THSD4: variants seen among roughly 807,000 people sequenced by gnomAD.
THSD4 encodes thrombospondin type 1 domain containing 4, also known as thrombospondin type-1 domain-containing protein 4.
In THSD4, 69 loss-of-function variants were observed where a neutral mutation model predicts 119.0. That is an observed-to-expected ratio of 0.58 (90% CI 0.48 to 0.71). THSD4 has a LOEUF of 0.71. THSD4 is among the 30% of genes least tolerant of loss of function. THSD4 has a pLI of 0.00. For missense variants in THSD4, 1,393 were observed against 1,391.1 expected (o/e 1.00, Z -0.02); for synonymous variants, 524 against 540.4 (o/e 0.97, Z 0.42).
intron 6 of THSD4, among the ~76,000 whole-genome samples, chr15:71,380,573 C>G (rs769607117): frequency 2.6e-5 from 4 of 152,100 alleles, no homozygotes; most frequent in African/African-American, 4.8e-5. Context: ...AGAGCCCATA[C>G]AGACCAATCT....
chr15:71,385,354 G>T (rs1269988649), intron 6 of THSD4, among the ~76,000 whole-genome samples: 2 of 152,154 alleles, frequency 1.3e-5, no homozygotes, highest in Non-Finnish European at 2.9e-5. Context: ...GTCTGACTTT[G>T]AGTCCCACTT....
At chr15:71,671,238 T>A (rs1052222364) in intron 8 of THSD4, among the ~76,000 whole-genome samples, 3 of 152,232 alleles carry the variant, frequency 2.0e-5, no homozygotes, top group African/African-American at 7.2e-5. Context: ...TGGCCAGTGA[T>A]GGTGAGCATT....
At chr15:71,238,789 A>G (rs2044127606) in intron 4 of THSD4, among the ~76,000 whole-genome samples, 1 of 152,084 alleles carries the variant, frequency 6.6e-6, no homozygotes, top group Non-Finnish European at 1.5e-5. Flanking sequence ...GTATGTTTTC[A>G]TTTCTCTTGG....
intron 1 of THSD4, among the ~76,000 whole-genome samples, chr15:71,128,872 T>C (rs2040478048): frequency 1.3e-5 from 2 of 152,204 alleles, no homozygotes; most frequent in African/African-American, 4.8e-5. Context: ...TGGAATACTA[T>C]AGACAACCTG....
intron 6 of THSD4, among the ~76,000 whole-genome samples, chr15:71,349,068 T>G (rs1012912881): frequency 4.0e-5 from 6 of 148,646 alleles, no homozygotes; most frequent in Non-Finnish European, 7.5e-5. Context: ...TCTGCCAACA[T>G]TTTGCCACGT....
At chr15:71,445,550 TCA>T (rs1189358177) in intron 7 of THSD4, among the ~76,000 whole-genome samples, 4 of 152,184 alleles carry the variant, frequency 2.6e-5, no homozygotes, top group African/African-American at 9.7e-5. Flanking sequence ...TCTCACAACC[TCA>T]GAGTGCAGAT....
chr15:71,317,654 T>G (rs959257946), intron 6 of THSD4, among the ~76,000 whole-genome samples: 1 of 152,102 alleles, frequency 6.6e-6, no homozygotes, highest in African/African-American at 2.4e-5. Context: ...GATGGCAAAA[T>G]GTACCCTTTG....
chr15:71,314,877 T>G (rs1400667328), intron 6 of THSD4, among the ~76,000 whole-genome samples: 1 of 152,246 alleles, frequency 6.6e-6, no homozygotes, highest in Non-Finnish European at 1.5e-5. Context: ...TGTCTTATTT[T>G]CAAAGACAGT....
chr15:71,132,533 T>C (rs1025518376), intron 1 of THSD4, among the ~76,000 whole-genome samples: 1 of 152,206 alleles, frequency 6.6e-6, no homozygotes, highest in Non-Finnish European at 1.5e-5. Context: ...GGTTTAATGG[T>C]GTTGGGTTAT....
At chr15:71,458,243 A>G (rs1265674889) in intron 7 of THSD4, among the ~76,000 whole-genome samples, 1 of 152,230 alleles carries the variant, frequency 6.6e-6, no homozygotes, top group Non-Finnish European at 1.5e-5. Flanking sequence ...AATCAGATGA[A>G]CTTAGAACAA....
intron 10 of THSD4, chr15:71,732,612 T>C (rs1253857153): frequency 6.6e-6 from 1 of 152,202 alleles, no homozygotes; most frequent in Non-Finnish European, 1.5e-5. Flanking sequence ...CGTAGATTAG[T>C]TCTTTGAATT....
chr15:71,726,537 T>A (rs536569080), intron 8 of THSD4, among the ~76,000 whole-genome samples: 4 of 152,228 alleles, frequency 2.6e-5, no homozygotes, highest in Non-Finnish European at 5.9e-5. Context: ...TGCATATGTA[T>A]ACATTTTTCC....
chr15:71,243,039 A>G lies in THSD4; in HGVS notation c.855A>G (p.Arg285=). The change falls in exon 5 of 18, where the codon CGA becomes CGG. Residue 285 remains arginine (R), a synonymous_variant. Coordinates refer to ENST00000261862, the MANE Select transcript of THSD4 (RefSeq NM_024817.3). ...GATQSFSQPA[R]STAISCIGAY... ...CTCAGAGCTTCTCTCAGCCTGCCCG[A>G]TCTACAGCAATCTCATGCATCGGGG... is the stretch of plus-strand genomic sequence containing the variant. 1.2e-6 allele frequency: 2 copies of G among 1,614,200 alleles called. No individual in the cohort carries two copies. The highest frequency in any genetic ancestry group is 1.7e-6 in the Non-Finnish European group (2 of 1,180,030).
At chr15:71,641,841 A>T (rs894150161) in intron 7 of THSD4, among the ~76,000 whole-genome samples, 3 of 152,226 alleles carry the variant, frequency 2.0e-5, no homozygotes, top group African/African-American at 7.2e-5. Flanking sequence ...AAAAAAATTG[A>T]TACCTATACC....
chr15:71,341,861 A>C, intron 6 of THSD4: 1 of 616,736 alleles, frequency 1.6e-6, no homozygotes, highest in East Asian at 2.8e-5. Flanking sequence ...ATTATATTTC[A>C]TCTAGAATAA....
At chr15:71,200,667 A>G (rs1176801373) in intron 3 of THSD4, among the ~76,000 whole-genome samples, 1 of 152,128 alleles carries the variant, frequency 6.6e-6, no homozygotes, top group Non-Finnish European at 1.5e-5. Flanking sequence ...TTTTTTCTCT[A>G]TGGATTTAGT....
intron 7 of THSD4, among the ~76,000 whole-genome samples, chr15:71,637,102 G>T (rs1336968061): frequency 1.3e-5 from 2 of 152,012 alleles, no homozygotes; most frequent in East Asian, 3.9e-4. Context: ...GGCCAGGCTG[G>T]TCTTGAACTC....
chr15:71,498,065 C>T (rs757905172), intron 7 of THSD4, among the ~76,000 whole-genome samples: 1 of 152,194 alleles, frequency 6.6e-6, no homozygotes, highest in Non-Finnish European at 1.5e-5. Context: ...ATGAAGCCAG[C>T]ATGCGTTGGT....
At chr15:71,424,926 C>G (rs1293234235) in intron 7 of THSD4, among the ~76,000 whole-genome samples, 1 of 152,136 alleles carries the variant, frequency 6.6e-6, no homozygotes, top group East Asian at 1.9e-4. Flanking sequence ...GAAACCAAAA[C>G]TAGCTCCCTG....
Sources: allele counts gnomAD v4.1 joint callset (sites outside exome capture counted in the v4.1 genomes callset), GRCh38; gene constraint gnomAD v4.1.1; transcripts MANE v1.5; gene names NCBI Gene and HGNC (gene_info 2026-07-23, HGNC 2026-07-21).